TMEM218: variants seen among roughly 807,000 people sequenced by gnomAD.
The protein encoded by TMEM218 is transmembrane protein 218.
In TMEM218, 8 loss-of-function variants were observed where a neutral mutation model predicts 10.0. That is an observed-to-expected ratio of 0.80 (90% CI 0.47 to 1.44). TMEM218 has a LOEUF of 1.44. Among genes scored for constraint, TMEM218 ranks in the 40% most tolerant of loss-of-function variants. The probability of loss-of-function intolerance (pLI) is 0.00; values close to 1 mark genes in which losing one functional copy is unlikely to be tolerated. For missense variants in TMEM218, 110 were observed against 140.1 expected (o/e 0.79, Z 1.08); for synonymous variants, 66 against 63.5 (o/e 1.04, Z -0.18).
rs1397015567 is a variant in TMEM218, at chr11:125,094,885, G to C, written c.*2721C>G. Among the ~76,000 whole-genome samples the C allele has an allele frequency of 6.6e-6, 1 of 152,204 alleles. No homozygotes were observed. Among genetic ancestry groups the C allele is most frequent in the Non-Finnish European group, 1.5e-5 (1 of 68,040 alleles). On this transcript the variant is annotated 3_prime_UTR_variant, in exon 5 of 5. Coordinates refer to ENST00000682305, the MANE Select transcript of TMEM218 (RefSeq NM_001258244.2). ...CCATGGGCTTACTCCACCAGGACTA[G>C]TGCTTTACACCCTACGGGCACACAA...
rs917788838 is a variant in TMEM218, at chr11:125,095,695, A to C, written c.*1911T>G. The stretch of plus-strand genomic sequence containing the variant: ...CCTTTCATTTACATCAGGCAAAAAA[A>C]CAAAAATTAGAAAACAGTAGTATTA... On this transcript the variant is annotated 3_prime_UTR_variant, in exon 5 of 5. Transcript: ENST00000682305. Among the ~76,000 whole-genome samples the C allele has an allele frequency of 2.6e-5, 4 of 152,170 alleles. No individual in the cohort carries two copies. Among genetic ancestry groups the C allele is most frequent in the Non-Finnish European group, 5.9e-5 (4 of 68,028 alleles).
intron 1 of TMEM218, 155 bp from the exon 2 acceptor site, chr11:125,102,964 G>A (rs1338231948): frequency 7.7e-6 from 2 of 259,312 alleles, no homozygotes; most frequent in East Asian, 1.9e-4. Flanking sequence ...AAGCGCGATG[G>A]GGTATCTATT....
At chr11:125,100,665 A>G (rs7931620) in intron 4 of TMEM218, among the ~76,000 whole-genome samples, 116,169 of 152,080 alleles carry the variant, frequency 0.76, 44,596 homozygotes, top group African/African-American at 0.85. Context: ...ATTTAAAGAC[A>G]TGGGTGCTGG....
chr11:125,102,138 G>A lies in TMEM218; in HGVS notation c.104C>T (p.Ala35Val), dbSNP rs763099953. 4.2e-5 allele frequency: 65 copies of A among 1,557,550 alleles called. 1 individual carries two copies. In the East Asian group the frequency reaches 5.6e-4, roughly 13 times the overall value. Residue 35 changes from alanine to valine, a missense_variant, in exon 3 of 5, where the codon GCG becomes GTG. Physicochemically the swap from Ala to Val is moderately conservative, Grantham distance 64. Coordinates refer to ENST00000682305, the MANE Select transcript of TMEM218 (RefSeq NM_001258244.2). ...LCVLLSRASGAARFSVIFLFF... is the reference protein window; with the variant it reads ...LCVLLSRASGVARFSVIFLFF... ...GTTGGACAGAATGCCTTACCTCGCC[G>A]CCCCGGAGGCTCTGGACAGCAGCAC...
At chr11:125,106,648 C>T (rs1952241266) in intron 1 of TMEM218, among the ~76,000 whole-genome samples, 1 of 152,202 alleles carries the variant, frequency 6.6e-6, no homozygotes, top group Non-Finnish European at 1.5e-5. Flanking sequence ...TTCATATACC[C>T]ACCAGAATGG....
At chr11:125,107,502 C>G (rs1430804791) in intron 1 of TMEM218, among the ~76,000 whole-genome samples, 1 of 151,994 alleles carries the variant, frequency 6.6e-6, no homozygotes, top group African/African-American at 2.4e-5. Context: ...TATGAAATTA[C>G]TGTTTGTATT....
At chr11:125,099,902 C>T (rs540186545) in intron 4 of TMEM218, among the ~76,000 whole-genome samples, 14 of 132,388 alleles carry the variant, frequency 1.1e-4, no homozygotes, top group African/African-American at 3.2e-4. Context: ...CCAGCCTGGC[C>T]GACAGAGCGA....
At chr11:125,106,393 T>C (rs1434241100) in intron 1 of TMEM218, among the ~76,000 whole-genome samples, 1 of 151,984 alleles carries the variant, frequency 6.6e-6, no homozygotes, top group Admixed American at 6.6e-5. Flanking sequence ...CTGAAACAAA[T>C]GTGAACCTAA....
intron 4 of TMEM218, 87 bp downstream of exon 4, chr11:125,101,114 C>T (rs1950662062): frequency 2.8e-6 from 3 of 1,085,446 alleles, no homozygotes; most frequent in South Asian, 3.0e-5. Flanking sequence ...AACCCGATGT[C>T]AGGGAACATC....
intron 4 of TMEM218, 92 bp downstream of exon 4, chr11:125,101,109 G>A (rs1950660462): frequency 1.4e-5 from 14 of 1,025,590 alleles, no homozygotes; most frequent in African/African-American, 1.6e-5. Flanking sequence ...CAGGCAACCC[G>A]ATGTCAGGGA....
In TMEM218 at chr11:125,097,125, T is replaced by C. The variant is rs1371224992; in HGVS notation, c.*481A>G. 6.6e-6 allele frequency: 1 copy of C among 152,316 alleles called. No homozygotes were observed. Among genetic ancestry groups the C allele is most frequent in the African/African-American group, 2.4e-5 (1 of 41,462 alleles). The allele number at this position is 152,316 out of a possible 1,614,324, so 9.4% of individuals were successfully genotyped here. On this transcript the variant is annotated 3_prime_UTR_variant, in exon 5 of 5. Coordinates refer to ENST00000682305, the MANE Select transcript of TMEM218 (RefSeq NM_001258244.2). ...AGAAATATATGCACAGAGTGGTCAA[T>C]GACCAACATCTGAGTAAGTCTTCCA... is the stretch of plus-strand genomic sequence containing the variant.
intron 3 of TMEM218, chr11:125,101,832 G>A (rs910035473): frequency 1.7e-5 from 8 of 482,650 alleles, no homozygotes; most frequent in Non-Finnish European, 2.9e-5. Context: ...CCAAGCCTCT[G>A]CCATAAATCT....
rs963304326 is a variant in TMEM218 at position 125,096,597 on chromosome 11, C to T, written c.*1009G>A. Reference sequence around the variant, plus strand: ...TGCTATTGGCATAGAGCACATACTCCATCAGTGATCTCTTTCCAACTTGTT... The same window carrying T: ...TGCTATTGGCATAGAGCACATACTCTATCAGTGATCTCTTTCCAACTTGTT... On this transcript the variant is annotated 3_prime_UTR_variant, in exon 5 of 5. Coordinates refer to ENST00000682305, the MANE Select transcript of TMEM218 (RefSeq NM_001258244.2). The T allele has an allele frequency of 3.9e-5, 6 of 152,216 alleles. No homozygotes were observed. Among genetic ancestry groups the T allele is most frequent in the Admixed American group, 1.3e-4 (2 of 15,282 alleles). 9.4% of individuals were successfully genotyped at this position (152,216 alleles called of 1,614,324 possible). A position where few individuals can be genotyped will look rare whatever the true frequency, so the allele number is the denominator to read the frequency against.
At chr11:125,104,333 T>C (rs908019749) in intron 1 of TMEM218, 4 of 152,232 alleles carry the variant, frequency 2.6e-5, no homozygotes, top group Non-Finnish European at 5.9e-5. Context: ...GTACTTGCTG[T>C]TTCCACTGCC....
chr11:125,101,454 C>T, intron 3 of TMEM218, 151 bp from the exon 4 acceptor site: 1 of 1,530,836 alleles, frequency 6.5e-7, no homozygotes, highest in Non-Finnish European at 8.7e-7. Flanking sequence ...CTCTTCATCC[C>T]AAAGTCCTTC....
At chr11:125,102,661 G>A (rs778932551) in intron 2 of TMEM218, 73 bp downstream of exon 2, 2 of 1,293,714 alleles carry the variant, frequency 1.5e-6, no homozygotes, top group South Asian at 1.2e-5. Context: ...AAGACACCAG[G>A]GCATGGGAAC....
chr11:125,100,763 C>T (rs1950582919), intron 4 of TMEM218, among the ~76,000 whole-genome samples: 1 of 152,190 alleles, frequency 6.6e-6, no homozygotes, highest in Non-Finnish European at 1.5e-5. Flanking sequence ...AGCATGTCCT[C>T]AGCACCCTCA....
At chr11:125,107,784 G>T (rs748595152) in intron 1 of TMEM218, among the ~76,000 whole-genome samples, 1 of 112,528 alleles carries the variant, frequency 8.9e-6, no homozygotes, top group Admixed American at 8.5e-5. Context: ...ATAATAAAAA[G>T]ATGTGGATAT....
In TMEM218 at chr11:125,108,436, A is replaced by G. The variant is rs1382934686; in HGVS notation, c.-153+3103T>C. On this transcript the variant is annotated intron_variant, in intron 1 of 4. Coordinates refer to ENST00000682305, the MANE Select transcript of TMEM218 (RefSeq NM_001258244.2). The surrounding 1 kb of genome is among the most constrained non-coding windows in gnomAD (Gnocchi z 5.3). ...GGAAAGTAATTCGTAATGAAATAGC[A>G]TATGTTTAAATATACAAATGTTCAG... is the stretch of plus-strand genomic sequence containing the variant. 1.3e-5 allele frequency among the ~76,000 whole-genome samples: 2 copies of G among 152,244 alleles called. No individual in the cohort carries two copies. The highest frequency in any genetic ancestry group is 4.8e-5 in the African/African-American group (2 of 41,470).
Sources: allele counts gnomAD v4.1 joint callset (sites outside exome capture counted in the v4.1 genomes callset), GRCh38; gene constraint gnomAD v4.1.1; non-coding constraint Gnocchi (gnomAD v3.1); transcripts MANE v1.5; gene names NCBI Gene and HGNC (gene_info 2026-07-23, HGNC 2026-07-21).